The following TBCE variants were observed in gnomAD, a reference collection of about 807,000 sequenced individuals.
TBCE encodes tubulin folding cofactor E.
Under a neutral mutation model 77.0 loss-of-function variants are expected in TBCE, and 53 were observed. The observed-to-expected ratio is 0.69, with a 90% CI of 0.55 to 0.87. The LOEUF is 0.87. Among genes scored for constraint, TBCE ranks in the 40% least tolerant of loss-of-function variants. The pLI is 0.00. For synonymous variants in TBCE, 235 were observed against 241.3 expected, an observed-to-expected ratio of 0.97 and a Z score of 0.24; for missense variants, 624 against 622.4, an observed-to-expected ratio of 1.00 and a Z score of -0.03.
intron 2 of TBCE, among the ~76,000 whole-genome samples, chr1:235,387,489 A>C (rs534852888): frequency 6.2e-4 from 95 of 152,324 alleles, no homozygotes; most frequent in African/African-American, 2.0e-3. Context: ...TTACCTAAGC[A>C]AGCCTGGGCA....
chr1:235,442,727 A>AT, intron 14 of TBCE, 125 bp from the exon 15 acceptor site: 1 of 850,776 alleles, frequency 1.2e-6, no homozygotes, highest in East Asian at 2.7e-5. Flanking sequence ...AATTTTAAAC[A>AT]TTGATTAGAC....
intron 1 of TBCE, among the ~76,000 whole-genome samples, chr1:235,372,608 C>A (rs1465861915): frequency 6.6e-6 from 1 of 151,812 alleles, no homozygotes; most frequent in South Asian, 2.1e-4. Flanking sequence ...ATAGAGAGAT[C>A]CCTTCTCTAC....
At chr1:235,441,532 T>C (rs1477998078) in intron 13 of TBCE, 2 of 461,532 alleles carry the variant, frequency 4.3e-6, no homozygotes, top group African/African-American at 2.0e-5. Context: ...CATGTAAACA[T>C]GTTGCTTTTC....
intron 8 of TBCE, 85 bp from the exon 9 acceptor site, chr1:235,435,660 C>T: frequency 7.5e-7 from 1 of 1,329,022 alleles, no homozygotes; most frequent in Non-Finnish European, 1.1e-6. Context: ...CCCTCCATCG[C>T]ACCAAATGCA....
In TBCE at chr1:235,435,839, A is replaced by G; in HGVS notation, c.832A>G (p.Arg278Gly). ...GCTGTATCTGATAGCCCACCTGCCC[A>G]GGTAATTTGCCCCTAAATGCCTGAT... ...NQLYLIAHLPRLEQLILSDTG... is the reference protein window; with the variant it reads ...NQLYLIAHLPGLEQLILSDTG... Residue 278 changes from arginine (R) to glycine (G), a missense_variant and splice_region_variant, in exon 9 of 17, where the codon AGG becomes GGG. Arg to Gly is a moderately radical substitution (Grantham distance 125). Coordinates refer to ENST00000642610, the MANE Select transcript of TBCE (RefSeq NM_003193.5). 1 of 1,613,958 alleles carries G rather than the reference A, an allele frequency of 6.2e-7. No homozygotes were observed.
rs1553341948 is a variant in TBCE at position 235,449,112 on chromosome 1, G to GAATTCTCTATTGAA, written c.*352_*365dup. The GAATTCTCTATTGAA allele has an allele frequency of 2.1e-4, 60 of 283,942 alleles. No individual in the cohort carries two copies. Among genetic ancestry groups the GAATTCTCTATTGAA allele is most frequent in the Non-Finnish European group, 4.0e-4 (58 of 146,364 alleles). 17.6% of individuals were successfully genotyped at this position (283,942 alleles called of 1,614,324 possible). A position where few individuals can be genotyped will look rare whatever the true frequency, so the allele number is the denominator to read the frequency against. ...ATCTGTCATAAGACTAGTTTTAATG[G>GAATTCTCTATTGAA]AATTCTCTATTGAAACTACTATTTT... On this transcript the variant is annotated 3_prime_UTR_variant, in exon 17 of 17. Transcript: ENST00000642610.
chr1:235,425,791 A>G (rs1680677120), intron 5 of TBCE, among the ~76,000 whole-genome samples: 1 of 150,338 alleles, frequency 6.7e-6, no homozygotes. Context: ...TGCTCTTGTC[A>G]CTCCTCCGCC....
rs1681546398 is a variant in TBCE, at chr1:235,437,564, C to T, written c.1116+90C>T. On this transcript the variant is annotated intron_variant, in intron 12 of 16. Coordinates refer to ENST00000642610, the MANE Select transcript of TBCE (RefSeq NM_003193.5). ...CCGTGGCTCACACCTGTAATCCCAG[C>T]ACTTTGGGAGGCTGGGGCAGGCTGA... 3 of 1,498,364 alleles carry T rather than the reference C, an allele frequency of 2.0e-6. No homozygotes were observed. In the Admixed American group the frequency reaches 5.4e-5, roughly 27 times the overall value. 92.8% of individuals were successfully genotyped at this position (1,498,364 alleles called of 1,614,324 possible). A position where few individuals can be genotyped will look rare whatever the true frequency, so the allele number is the denominator to read the frequency against.
At chr1:235,441,720 TG>T in intron 13 of TBCE, 93 bp from the exon 14 acceptor site, 1 of 1,184,208 alleles carries the variant, frequency 8.4e-7, no homozygotes, top group Non-Finnish European at 1.2e-6. Context: ...ACAGGCTCTC[TG>T]GACGCTTACC....
At chr1:235,383,431 AT>A (rs1214514388) in intron 2 of TBCE, among the ~76,000 whole-genome samples, 1 of 152,152 alleles carries the variant, frequency 6.6e-6, no homozygotes, top group Non-Finnish European at 1.5e-5. Context: ...CACGATATTA[AT>A]TCTTCCTACC....
rs1208797892 is a variant in TBCE at position 235,450,920 on chromosome 1, G to A, written c.*2158G>A. On this transcript the variant is annotated 3_prime_UTR_variant, in exon 17 of 17. Transcript: ENST00000642610. ...GACTATTTCCTAGCTACGTGAATTG[G>A]TTTCTATTTCCAGCAATGTAGCAGA... 1 of 152,290 alleles carries A rather than the reference G, an allele frequency of 6.6e-6. No individual in the cohort carries two copies. Among genetic ancestry groups the A allele is most frequent in the Non-Finnish European group, 1.5e-5 (1 of 68,138 alleles). The allele number at this position is 152,290 out of a possible 1,614,324, so 9.4% of individuals were successfully genotyped here.
At chr1:235,440,554 G>C (rs1356387330) in intron 13 of TBCE, among the ~76,000 whole-genome samples, 1 of 151,898 alleles carries the variant, frequency 6.6e-6, no homozygotes, top group South Asian at 2.1e-4. Flanking sequence ...CACCATGCCC[G>C]GCTAATTTTT....
intron 2 of TBCE, among the ~76,000 whole-genome samples, chr1:235,393,884 A>G (rs1344229822): frequency 3.3e-5 from 5 of 152,140 alleles, no homozygotes; most frequent in Non-Finnish European, 5.9e-5. Flanking sequence ...TGCCTAGGGG[A>G]ACATCTAAAG....
At chr1:235,377,081 C>T (rs914528461) in intron 1 of TBCE, among the ~76,000 whole-genome samples, 3 of 152,208 alleles carry the variant, frequency 2.0e-5, no homozygotes, top group African/African-American at 7.2e-5. Context: ...GGATCCTGGC[C>T]CCCTTCCCAA....
intron 15 of TBCE, among the ~76,000 whole-genome samples, chr1:235,444,887 G>A (rs541439137): frequency 6.6e-6 from 1 of 152,270 alleles, no homozygotes; most frequent in Admixed American, 6.5e-5. Context: ...AGGCACTGAG[G>A]TAGACCTGCC....
chr1:235,385,708 T>C (rs1677959269), intron 2 of TBCE, among the ~76,000 whole-genome samples: 1 of 152,198 alleles, frequency 6.6e-6, no homozygotes, highest in African/African-American at 2.4e-5. Flanking sequence ...GGCCTGTGTG[T>C]GTCTCTGCCT....
At chr1:235,378,086 CAT>C (rs1158654026) in intron 1 of TBCE, among the ~76,000 whole-genome samples, 1 of 152,116 alleles carries the variant, frequency 6.6e-6, no homozygotes, top group African/African-American at 2.4e-5. Flanking sequence ...CATGTAACAG[CAT>C]ATGTTTTTTC....
At chr1:235,399,203 C>G (rs1678933653) in intron 2 of TBCE, among the ~76,000 whole-genome samples, 1 of 150,894 alleles carries the variant, frequency 6.6e-6, no homozygotes, top group African/African-American at 2.4e-5. Context: ...AATCCACCCG[C>G]CTTCACCTCC....
At chr1:235,412,586 A>G (rs1679875234) in intron 3 of TBCE, among the ~76,000 whole-genome samples, 1 of 151,530 alleles carries the variant, frequency 6.6e-6, no homozygotes, top group Non-Finnish European at 1.5e-5. Context: ...TGCTAGGATT[A>G]TAGGGGTGAG....
Sources: gnomAD v4.1 joint callset for allele counts (sites outside exome capture counted in the v4.1 genomes callset) on GRCh38, gnomAD v4.1.1 for gene constraint, MANE v1.5 for transcripts, NCBI Gene and HGNC (gene_info 2026-07-23, HGNC 2026-07-21) for gene names.